NIPBL: variants seen among roughly 807,000 people sequenced by gnomAD.
NIPBL encodes nipped-B-like protein.
NIPBL carries 19 observed loss-of-function variants against 321.8 expected under a neutral mutation model. The observed-to-expected ratio is 0.06, with a 90% CI of 0.04 to 0.09. The LOEUF is 0.09. Ranked by LOEUF, NIPBL falls within the 10% of genes least tolerant of loss-of-function variation. NIPBL has a pLI of 1.00. For missense variants in NIPBL, 2,210 were observed against 3,327.0 expected (o/e 0.66, Z 8.26); for synonymous variants, 1,106 against 1,114.1 (o/e 0.99, Z 0.14).
rs1042444559 is a variant in NIPBL at position 36,996,694 on chromosome 5, G to C, written c.3304+890G>C. On this transcript the variant is annotated intron_variant, in intron 11 of 46. Transcript: ENST00000282516. This position sits in a 1 kb window ranked among gnomAD's most constrained non-coding sequence, Gnocchi z 5.0. ...CATTCAGTGGAAACAGACTATGGGA[G>C]ATCTTCACTTGTGTGCCAACTGACT... 1 of 334,970 alleles carries C rather than the reference G, an allele frequency of 3.0e-6. No homozygotes were observed. The highest frequency in any genetic ancestry group is 2.2e-5 in the African/African-American group (1 of 46,116). The allele number at this position is 334,970 out of a possible 1,614,324, so 20.7% of individuals were successfully genotyped here. A position where few individuals can be genotyped will look rare whatever the true frequency, so the allele number is the denominator to read the frequency against.
rs374905176 is a variant in NIPBL at position 36,976,284 on chromosome 5, A to C, written c.1377A>C (p.Ile459=). ...CTGTGGTACAGAATCAACAACAGAT[A>C]TCACAACAGGGACCTATATATGATG... is the stretch of plus-strand genomic sequence containing the variant. ...QTSVVQNQQQ[I]SQQGPIYDEV... is the part of the protein sequence containing the mutation. The change falls in exon 9 of 47, where the codon ATA becomes ATC. Residue 459 remains isoleucine, a synonymous_variant. Transcript: ENST00000282516. 3 of 1,613,824 alleles carry C rather than the reference A, an allele frequency of 1.9e-6. No homozygotes were observed. The highest frequency in any genetic ancestry group is 2.5e-6 in the Non-Finnish European group (3 of 1,179,864).
Position 36,995,824 on chromosome 5 carries a change from T to C in NIPBL, c.3304+20T>C. The C allele has an allele frequency of 6.3e-7, 1 of 1,595,000 alleles. No homozygotes were observed. Among genetic ancestry groups the C allele is most frequent in the Non-Finnish European group, 8.6e-7 (1 of 1,163,208 alleles). ...TTGAATGTAAGTATCACAGAACTCTTTGTTATTATTTTAGAGTTTAAAAGC... is the reference window on the plus strand; with the variant it reads ...TTGAATGTAAGTATCACAGAACTCTCTGTTATTATTTTAGAGTTTAAAAGC... On this transcript the variant is annotated intron_variant, in intron 11 of 46. Coordinates refer to ENST00000282516, the MANE Select transcript of NIPBL (RefSeq NM_133433.4).
At position 36,991,510 on chromosome 5, in the gene NIPBL, G is replaced by A. The variant is rs116441586; in HGVS notation, c.3122-4112G>A. Among the ~76,000 whole-genome samples, 1,295 of 151,974 alleles carry A rather than the reference G, an allele frequency of 8.5e-3. 11 individuals carry two copies. The highest frequency in any genetic ancestry group is 0.03 in the African/African-American group (1,227 of 41,478). On this transcript the variant is annotated intron_variant, in intron 10 of 46. Transcript: ENST00000282516. ...ACTGCCACAATTTATTTTTCTCACC[G>A]TGTATACATATCAAGGAAAGAATCA...
chr5:36,999,818 T>C (rs1746577402), intron 11 of NIPBL, among the ~76,000 whole-genome samples: 1 of 152,204 alleles, frequency 6.6e-6, no homozygotes, highest in South Asian at 2.1e-4. Flanking sequence ...TCTGTCTCAG[T>C]AGGCTTGTCA....
chr5:37,001,961 CTT>C (rs1746859536), intron 14 of NIPBL, among the ~76,000 whole-genome samples: 1 of 152,088 alleles, frequency 6.6e-6, no homozygotes, highest in Non-Finnish European at 1.5e-5. Flanking sequence ...TTTTTTAAAA[CTT>C]TACAGTTCTG....
In NIPBL at chr5:37,045,481, C is replaced by T; in HGVS notation, c.6382C>T (p.Pro2128Ser). 2 of 1,613,654 alleles carry T rather than the reference C, an allele frequency of 1.2e-6. No individual in the cohort carries two copies. The highest frequency in any genetic ancestry group is 1.7e-6 in the Non-Finnish European group (2 of 1,179,742). ...ATTAAAAAGTCAACACCAAGAGGAC[C>T]CAAATAACACTTCACTTCTAACAAA... ...SKLKSQHQED[P>S]NNTSLLTNKP... Residue 2128 changes from proline to serine, a missense_variant, in exon 37 of 47, where the codon CCA (proline) becomes TCA (serine). By Grantham distance (74) the Pro-to-Ser change is moderately conservative (BLOSUM62 -1). Transcript: ENST00000282516.
intron 29 of NIPBL, 115 bp downstream of exon 29, chr5:37,022,505 G>T (rs1426164150): frequency 3.2e-6 from 3 of 948,756 alleles, no homozygotes; most frequent in African/African-American, 3.3e-5. Flanking sequence ...TATTTATATT[G>T]TCAAATTTAT....
intron 6 of NIPBL, among the ~76,000 whole-genome samples, chr5:36,965,226 A>G (rs565731254): frequency 2.6e-5 from 4 of 152,144 alleles, no homozygotes; most frequent in African/African-American, 7.2e-5. Flanking sequence ...ATGCACGCCC[A>G]TGTTTATTGC....
chr5:36,904,753 G>T (rs1432864701), intron 1 of NIPBL, among the ~76,000 whole-genome samples: 1 of 152,118 alleles, frequency 6.6e-6, no homozygotes, highest in African/African-American at 2.4e-5. Context: ...CTGTTGGCTG[G>T]ATACCTCAGT....
intron 1 of NIPBL, among the ~76,000 whole-genome samples, chr5:36,894,873 T>C (rs1746614923): frequency 6.6e-6 from 1 of 152,224 alleles, no homozygotes; most frequent in Non-Finnish European, 1.5e-5. Flanking sequence ...AGTCAGATTA[T>C]AAACTCTTAG....
rs1328939808 is a variant in NIPBL, at chr5:37,006,576, G to T, written c.4075G>T (p.Asp1359Tyr). Residue 1359 changes from aspartate to tyrosine, a missense_variant, in exon 17 of 47, where the codon GAT becomes TAT. Coordinates refer to ENST00000282516, the MANE Select transcript of NIPBL (RefSeq NM_133433.4). ...YPQYDPVYRL[D>Y]PHGGGLLSSK... Reference sequence around the variant, plus strand: ...TCAGTATGATCCTGTTTACAGATTAGATCCTCATGGAGGTTAGTTCGTATA... The same window carrying T: ...TCAGTATGATCCTGTTTACAGATTATATCCTCATGGAGGTTAGTTCGTATA... The T allele has an allele frequency of 6.3e-7, 1 of 1,598,342 alleles. No homozygotes were observed. The highest frequency in any genetic ancestry group is 1.3e-5 in the African/African-American group (1 of 74,536).
intron 1 of NIPBL, among the ~76,000 whole-genome samples, chr5:36,946,906 C>T (rs1247821838): frequency 6.6e-6 from 1 of 151,472 alleles, no homozygotes; most frequent in East Asian, 1.9e-4. Context: ...AGATGTTTCT[C>T]AGTTTTATGT....
At chr5:37,026,611 G>A (rs1286399392) in intron 31 of NIPBL, among the ~76,000 whole-genome samples, 1 of 152,176 alleles carries the variant, frequency 6.6e-6, no homozygotes, top group African/African-American at 2.4e-5. Flanking sequence ...AGAAATGGAA[G>A]AACAGATACA....
intron 24 of NIPBL, 120 bp downstream of exon 24, chr5:37,017,282 G>A (rs544432809): frequency 2.9e-6 from 3 of 1,046,404 alleles, no homozygotes; most frequent in African/African-American, 3.2e-5. Flanking sequence ...ACTTCTAAAA[G>A]TGGGCTTTTC....
rs2149755428 is a variant in NIPBL, at chr5:37,060,875, G to A, written c.7717G>A (p.Ala2573Thr). 1 of 1,613,820 alleles carries A rather than the reference G, an allele frequency of 6.2e-7. No homozygotes were observed. Among genetic ancestry groups the A allele is most frequent in the East Asian group, 2.2e-5 (1 of 44,856 alleles). The change falls in exon 45 of 47, where the codon GCA (alanine) becomes ACA (threonine). Residue 2573 changes from alanine to threonine, a missense_variant. Coordinates refer to ENST00000282516, the MANE Select transcript of NIPBL (RefSeq NM_133433.4). ...KIQKYSPSES[A>T]KVYDKAINRK... ...TCAGAAGTACTCTCCATCTGAATCT[G>A]CAAAAGTATATGATAAAGCGATAAA...
chr5:36,968,459 C>T (rs1742484635), intron 6 of NIPBL, among the ~76,000 whole-genome samples: 2 of 151,896 alleles, frequency 1.3e-5, no homozygotes, highest in Non-Finnish European at 2.9e-5. Context: ...GTCCCAGCTA[C>T]TCCGAAGGCT....
intron 10 of NIPBL, among the ~76,000 whole-genome samples, chr5:36,993,956 G>A (rs1231536115): frequency 6.6e-6 from 1 of 152,044 alleles, no homozygotes; most frequent in Non-Finnish European, 1.5e-5. Flanking sequence ...ATGTGGAAAA[G>A]GGAAGATGTA....
At chr5:36,943,143 C>T (rs1033554468) in intron 1 of NIPBL, among the ~76,000 whole-genome samples, 3 of 151,902 alleles carry the variant, frequency 2.0e-5, no homozygotes, top group African/African-American at 4.8e-5. Context: ...CCTGTGAATA[C>T]GGAAGGCCAA....
intron 1 of NIPBL, among the ~76,000 whole-genome samples, chr5:36,944,927 C>T (rs1009289761): frequency 7.2e-5 from 11 of 152,056 alleles, no homozygotes; most frequent in African/African-American, 2.7e-4. Flanking sequence ...ATGTTAAGTT[C>T]TTTAAAACCT....
Sources: gnomAD v4.1 joint callset for allele counts (sites outside exome capture counted in the v4.1 genomes callset) on GRCh38, gnomAD v4.1.1 for gene constraint, Gnocchi (gnomAD v3.1) non-coding constraint, MANE v1.5 for transcripts, NCBI Gene and HGNC (gene_info 2026-07-23, HGNC 2026-07-21) for gene names.